OR3A3: variants seen among roughly 807,000 people sequenced by gnomAD.
The protein encoded by OR3A3 is olfactory receptor 3A3.
For missense variants in OR3A3, 275 were observed against 391.4 expected (o/e 0.70, Z 2.51); for synonymous variants, 103 against 163.9 (o/e 0.63, Z 2.84).
At chr17:3,420,374 T>C (rs1297674334) in intron 2 of OR3A3, among the ~76,000 whole-genome samples, 1 of 152,244 alleles carries the variant, frequency 6.6e-6, no homozygotes, top group East Asian at 1.9e-4. Context: ...CCAAGTATTC[T>C]GACCTTTTCA....
At chr17:3,415,106 C>T (rs553887781) in intron 2 of OR3A3, among the ~76,000 whole-genome samples, 3 of 151,970 alleles carry the variant, frequency 2.0e-5, no homozygotes, top group Non-Finnish European at 4.4e-5. Flanking sequence ...GAATATCTTA[C>T]CACAAGAATT....
At chr17:3,416,685 G>T (rs1236427390) in intron 2 of OR3A3, among the ~76,000 whole-genome samples, 1 of 151,900 alleles carries the variant, frequency 6.6e-6, no homozygotes, top group African/African-American at 2.4e-5. Context: ...CAGAAAAATA[G>T]AATTTTATAA....
In OR3A3 at chr17:3,413,925, C is replaced by T. The variant is rs371979928; in HGVS notation, c.-7+1754C>T. ...CATGTGGCATCCCCTCTGCAGCTTC[C>T]CCGTGGCCTGAGCACACACAGTGGA... On this transcript the variant is annotated intron_variant, in intron 2 of 2. Transcript: ENST00000641141. Among the ~76,000 whole-genome samples, 24 of 152,276 alleles carry T rather than the reference C, an allele frequency of 1.6e-4. No individual in the cohort carries two copies. In the East Asian group the frequency reaches 2.1e-3, roughly 13 times the overall value.
intron 2 of OR3A3, among the ~76,000 whole-genome samples, chr17:3,413,589 C>T (rs540614165): frequency 4.6e-5 from 7 of 152,064 alleles, no homozygotes; most frequent in African/African-American, 9.6e-5. Context: ...CCGAGGTGGG[C>T]GGATCATGAG....
At chr17:3,420,615 C>A in exon 3 of OR3A3, 3 of 1,518,188 alleles carry the variant, frequency 2.0e-6, no homozygotes, top group South Asian at 2.7e-5. Context: ...CCAATAGGAC[C>A]GCTGTTGCTG....
intron 2 of OR3A3, among the ~76,000 whole-genome samples, chr17:3,414,244 TG>T (rs753303355): frequency 1.3e-5 from 2 of 152,160 alleles, no homozygotes; most frequent in Non-Finnish European, 2.9e-5. Context: ...ACTAATTTTT[TG>T]TATTTTCAGT....
At chr17:3,413,825 A>G (rs976104207) in intron 2 of OR3A3, among the ~76,000 whole-genome samples, 18 of 117,232 alleles carry the variant, frequency 1.5e-4, no homozygotes, top group Non-Finnish European at 3.5e-4. Context: ...CATCTCAAAA[A>G]AAAACAAAAA....
intron 1 of OR3A3, 91 bp downstream of exon 1, chr17:3,411,575 A>AGGAGAATGGTGTGAACCTG (rs1000099916): frequency 1.3e-5 from 2 of 152,690 alleles, no homozygotes; most frequent in East Asian, 1.9e-4. Flanking sequence ...AGGCTGAGGC[A>AGGAGAATGGTGTGAACCTG]GGAGAATGGT....
At chr17:3,413,976 G>A (rs970473104) in intron 2 of OR3A3, among the ~76,000 whole-genome samples, 2 of 152,128 alleles carry the variant, frequency 1.3e-5, no homozygotes, top group East Asian at 1.9e-4. Flanking sequence ...GCTGGTCATC[G>A]AGACAGCCTC....
chr17:3,413,164 A>G (rs1330582999), intron 2 of OR3A3, among the ~76,000 whole-genome samples: 1 of 152,222 alleles, frequency 6.6e-6, no homozygotes, highest in East Asian at 1.9e-4. Flanking sequence ...AGTAAGTTGC[A>G]TGAAATAATA....
rs767649333 is a variant in OR3A3 at position 3,420,616 on chromosome 17, G to A, written c.31G>A (p.Ala11Thr). 221 of 1,519,022 alleles carry A rather than the reference G, an allele frequency of 1.5e-4. 1 individual carries two copies. The highest frequency in any genetic ancestry group is 1.8e-4 in the African/African-American group (13 of 71,236). The allele number at this position is 1,519,022 out of a possible 1,614,324, so 94.1% of individuals were successfully genotyped here. ...GCCAGAAGCTGGGACCAATAGGACC[G>A]CTGTTGCTGAGTTCATTCTACTGGG... The change falls in exon 3 of 3, where the codon GCT (alanine) becomes ACT (threonine). Residue 11 changes from alanine (A) to threonine (T), a missense_variant. Ala to Thr is a moderately conservative substitution (Grantham distance 58, BLOSUM62 0). Coordinates refer to ENST00000641141, the Ensembl canonical transcript of OR3A3.
chr17:3,420,502 C>T (rs913284149), intron 2 of OR3A3, 78 bp from the exon 3 acceptor site: 20 of 1,559,818 alleles, frequency 1.3e-5, no homozygotes, highest in Non-Finnish European at 1.6e-5. Flanking sequence ...CGCCACGGGG[C>T]TTTGAACATA....
chr17:3,417,427 A>G (rs1356470087), intron 2 of OR3A3, among the ~76,000 whole-genome samples: 1 of 152,152 alleles, frequency 6.6e-6, no homozygotes, highest in Admixed American at 6.5e-5. Context: ...CTACAGTGTC[A>G]TTGTTCAAAC....
At chr17:3,421,442 C>G (rs1468103580) in exon 3 of OR3A3, 4 of 1,601,226 alleles carry the variant, frequency 2.5e-6, no homozygotes, top group Non-Finnish European at 3.4e-6. Flanking sequence ...GTGATCAACC[C>G]CATGCTGAAC....
chr17:3,419,164 C>T (rs1023933122), intron 2 of OR3A3, among the ~76,000 whole-genome samples: 1 of 152,182 alleles, frequency 6.6e-6, no homozygotes, highest in Non-Finnish European at 1.5e-5. Context: ...ATTAATTGAA[C>T]AAGGAGTGTT....
exon 3 of OR3A3, chr17:3,421,589 G>A (rs2072436160): frequency 1.3e-6 from 2 of 1,511,900 alleles, no homozygotes; most frequent in East Asian, 2.3e-5. Flanking sequence ...CGAGAAGATA[G>A]TAACCAACAA....
chr17:3,413,756 T>A lies in OR3A3; in HGVS notation c.-7+1585T>A, dbSNP rs375442915. 1.2e-3 allele frequency among the ~76,000 whole-genome samples: 176 copies of A among 149,982 alleles called. 3 individuals carry two copies. The South Asian group carries it at 0.034, about 29-fold the overall frequency. The stretch of plus-strand genomic sequence containing the variant: ...TGAACCTGGGAGGTGGAGGTTGCAG[T>A]GAGCCAAGATCATCAAAATCATGCC... On this transcript the variant is annotated intron_variant, in intron 2 of 2. Coordinates refer to ENST00000641141, the Ensembl canonical transcript of OR3A3.
chr17:3,413,103 G>A (rs558121243), intron 2 of OR3A3, among the ~76,000 whole-genome samples: 17 of 152,348 alleles, frequency 1.1e-4, no homozygotes, highest in Non-Finnish European at 2.4e-4. Flanking sequence ...TTACAGAGAT[G>A]TAAGAAAGAT....
intron 2 of OR3A3, among the ~76,000 whole-genome samples, chr17:3,415,670 A>C (rs2072386656): frequency 6.6e-6 from 1 of 150,620 alleles, no homozygotes; most frequent in Admixed American, 6.6e-5. Flanking sequence ...GTTAAATAAT[A>C]ATTGATAATG....
Sources: gnomAD v4.1 joint callset for allele counts (sites outside exome capture counted in the v4.1 genomes callset) on GRCh38, gnomAD v4.1.1 for gene constraint, MANE v1.5 for transcripts, NCBI Gene and HGNC (gene_info 2026-07-23, HGNC 2026-07-21) for gene names.